The following LEPROTL1 variants were observed in gnomAD, a reference collection of about 807,000 sequenced individuals.
LEPROTL1 encodes leptin receptor overlapping transcript-like 1.
LEPROTL1 carries 6 observed loss-of-function variants against 15.4 expected under a neutral mutation model. The ratio of observed to expected loss-of-function variants is 0.39; its 90% confidence interval spans 0.21 to 0.77. The LOEUF is 0.77. LEPROTL1 is among the 30% of genes least tolerant of loss of function. LEPROTL1 has a pLI of 0.41. For missense variants in LEPROTL1, 128 were observed against 158.1 expected (o/e 0.81, Z 1.02); for synonymous variants, 56 against 52.6 (o/e 1.06, Z -0.28).
Position 30,137,289 on chromosome 8 carries a change from C to A in LEPROTL1, c.412C>A (p.Leu138Ile), listed in dbSNP as rs370478967. ...TTTTCTAGATGGGGCGCCTACCCTTCTTCAGCAAGATGGGAACAGCTGAGT... is the reference window on the plus strand; with the variant it reads ...TTTTCTAGATGGGGCGCCTACCCTTATTCAGCAAGATGGGAACAGCTGAGT... The change falls in exon 5 of 5, where the codon CTT (leucine) becomes ATT (isoleucine). Residue 138 changes from leucine to isoleucine, a missense_variant. By Grantham distance (5) the Leu-to-Ile change is conservative. Transcript: ENST00000442880. The A allele has an allele frequency of 2.2e-5, 34 of 1,551,652 alleles. 1 individual carries two copies. Among genetic ancestry groups the A allele is most frequent in the African/African-American group, 2.2e-4 (16 of 73,162 alleles).
intron 3 of LEPROTL1, chr8:30,132,145 A>T: frequency 6.4e-7 from 1 of 1,551,796 alleles, no homozygotes; most frequent in South Asian, 1.2e-5. Context: ...CCAGGATCTG[A>T]TAAACTCATT....
chr8:30,129,597 T>G (rs913339983), intron 3 of LEPROTL1, among the ~76,000 whole-genome samples: 1 of 151,804 alleles, frequency 6.6e-6, no homozygotes, highest in African/African-American at 2.4e-5. Context: ...CCCAGCTACT[T>G]GGAAGGGTGA....
Position 30,106,520 on chromosome 8 carries a change from A to G in LEPROTL1, c.*658A>G, listed in dbSNP as rs746413625. Reference sequence around the variant, plus strand: ...TTGAAAATTATTTTATGGAATTGCTACAGAGGAGTGCTTTTCTTCTCAATT... The same window carrying G: ...TTGAAAATTATTTTATGGAATTGCTGCAGAGGAGTGCTTTTCTTCTCAATT... On this transcript the variant is annotated 3_prime_UTR_variant, in exon 4 of 4. Coordinates refer to ENST00000321250, the MANE Select transcript of LEPROTL1 (RefSeq NM_015344.3). The G allele has an allele frequency of 5.1e-6, 5 of 985,678 alleles. No individual in the cohort carries two copies. The highest frequency in any genetic ancestry group is 6.0e-6 in the Non-Finnish European group (5 of 829,886). 61.1% of individuals were successfully genotyped at this position (985,678 alleles called of 1,614,324 possible). A position where few individuals can be genotyped will look rare whatever the true frequency, so the allele number is the denominator to read the frequency against.
chr8:30,129,711 T>TCACACACACA (rs35105107), intron 3 of LEPROTL1, among the ~76,000 whole-genome samples: 3 of 128,300 alleles, frequency 2.3e-5, no homozygotes, highest in Admixed American at 7.9e-5. Context: ...TGAGACCCTG[T>TCACACACACA]CACACACACA....
chr8:30,122,564 G>C (rs1355020550), intron 3 of LEPROTL1, among the ~76,000 whole-genome samples: 3 of 152,326 alleles, frequency 2.0e-5, no homozygotes, highest in African/African-American at 7.2e-5. Flanking sequence ...GCCAAGGCAG[G>C]TGGATCACTT....
At chr8:30,133,468 G>T (rs752120901) in intron 4 of LEPROTL1, among the ~76,000 whole-genome samples, 1 of 152,122 alleles carries the variant, frequency 6.6e-6, no homozygotes, top group Non-Finnish European at 1.5e-5. Context: ...ACATTTACAC[G>T]CATGTTCAAC....
intron 1 of LEPROTL1, among the ~76,000 whole-genome samples, chr8:30,096,807 A>T (rs1242004537): frequency 1.3e-5 from 2 of 152,200 alleles, no homozygotes; most frequent in Non-Finnish European, 2.9e-5. Context: ...GGTGAACTGC[A>T]CTTTTGATTT....
chr8:30,122,102 G>C (rs528027684), intron 3 of LEPROTL1, among the ~76,000 whole-genome samples: 1 of 151,982 alleles, frequency 6.6e-6, no homozygotes, highest in African/African-American at 2.4e-5. Flanking sequence ...GGGAGGCCGA[G>C]GTTTCAGTGA....
intron 3 of LEPROTL1, among the ~76,000 whole-genome samples, chr8:30,118,020 T>TGG (rs1563217229): frequency 6.1e-3 from 80 of 13,220 alleles, no homozygotes; most frequent in African/African-American, 0.014. Flanking sequence ...TTTTGATTTG[T>TGG]TTTTTTTTTT....
chr8:30,131,762 C>A, intron 3 of LEPROTL1: 1 of 650,388 alleles, frequency 1.5e-6, no homozygotes, highest in Non-Finnish European at 2.5e-6. Flanking sequence ...TCCTCAGTAC[C>A]AGCAGAATAG....
At chr8:30,135,684 T>C (rs1803124512) in intron 4 of LEPROTL1, among the ~76,000 whole-genome samples, 1 of 152,036 alleles carries the variant, frequency 6.6e-6, no homozygotes, top group East Asian at 1.9e-4. Context: ...TGAGGTGAGG[T>C]GGGCTGATCA....
chr8:30,137,398 A>C (rs1260553492), exon 5 of LEPROTL1: 2 of 1,551,492 alleles, frequency 1.3e-6, no homozygotes, highest in South Asian at 2.4e-5. Flanking sequence ...CAGAGTGTCC[A>C]CTCAACCCGT....
chr8:30,134,803 C>T (rs1364331660), intron 4 of LEPROTL1, among the ~76,000 whole-genome samples: 1 of 152,128 alleles, frequency 6.6e-6, no homozygotes, highest in Non-Finnish European at 1.5e-5. Flanking sequence ...CCGCCTCGGC[C>T]TCCCAAAGTG....
At chr8:30,114,632 C>T (rs994911161) in intron 3 of LEPROTL1, among the ~76,000 whole-genome samples, 6 of 152,132 alleles carry the variant, frequency 3.9e-5, no homozygotes, top group African/African-American at 1.2e-4. Context: ...CTGCATGGCC[C>T]ATTGTGGACA....
In LEPROTL1 at chr8:30,101,926, A is replaced by G; in HGVS notation, c.45A>G (p.Ala15=). The G allele has an allele frequency of 6.2e-7, 1 of 1,609,904 alleles. No homozygotes were observed. The highest frequency in any genetic ancestry group is 8.5e-7 in the Non-Finnish European group (1 of 1,177,560). The change falls in exon 2 of 4, where the codon GCA becomes GCG. Residue 15 remains alanine (A), a synonymous_variant. Transcript: ENST00000321250. ...KALISLSFGG[A]IGLMFLMLGC... ...TGATTAGTTTGTCCTTTGGAGGAGC[A>G]ATCGGACTGATGTTTTTGATGCTTG...
At chr8:30,121,284 A>C (rs1585474890) in intron 3 of LEPROTL1, among the ~76,000 whole-genome samples, 1 of 150,688 alleles carries the variant, frequency 6.6e-6, no homozygotes, top group African/African-American at 2.4e-5. Flanking sequence ...ATGGACTCTC[A>C]CTCTGTCGCC....
intron 1 of LEPROTL1, among the ~76,000 whole-genome samples, chr8:30,100,775 GGTCATTGGTTAACTAT>G (rs1231011490): frequency 4.6e-5 from 7 of 152,156 alleles, no homozygotes; most frequent in Admixed American, 3.3e-4. Context: ...CTTTAGTCTA[GGTCATTGGTTAACTAT>G]GCCTATTCAA....
intron 3 of LEPROTL1, among the ~76,000 whole-genome samples, chr8:30,126,913 G>A (rs1802913801): frequency 1.3e-5 from 2 of 152,052 alleles, no homozygotes; most frequent in South Asian, 2.1e-4. Flanking sequence ...GGTGGCACAC[G>A]CCTGTAATCC....
chr8:30,105,667 A>G, intron 3 of LEPROTL1, 79 bp from the exon 4 acceptor site: 1 of 1,219,950 alleles, frequency 8.2e-7, no homozygotes, highest in Non-Finnish European at 1.2e-6. Flanking sequence ...TAATTGGGAT[A>G]CAACTAGAGC....
Sources: allele counts gnomAD v4.1 joint callset (sites outside exome capture counted in the v4.1 genomes callset), GRCh38; gene constraint gnomAD v4.1.1; transcripts MANE v1.5; gene names NCBI Gene and HGNC (gene_info 2026-07-23, HGNC 2026-07-21).